MAMSTR: variants seen among roughly 807,000 people sequenced by gnomAD.
The protein encoded by MAMSTR is MEF2-activating motif and SAP domain-containing transcriptional regulator.
In MAMSTR, 41 loss-of-function variants were observed where a neutral mutation model predicts 42.7. The ratio of observed to expected loss-of-function variants is 0.96; its 90% CI spans 0.75 to 1.25. MAMSTR has a LOEUF of 1.25. Ranked by LOEUF, MAMSTR falls within the 50% of genes most tolerant of loss-of-function variation. The probability of loss-of-function intolerance (pLI) is 0.00; values close to 1 mark genes in which losing one functional copy is unlikely to be tolerated. For synonymous variants in MAMSTR, 265 were observed against 244.1 expected, an observed-to-expected ratio of 1.09 and a Z score of -0.80; for missense variants, 567 against 557.6, an observed-to-expected ratio of 1.02 and a Z score of -0.17.
At position 48,719,027 on chromosome 19, in the gene MAMSTR, G is replaced by A. The variant is rs1380422667; in HGVS notation, c.5C>T (p.Thr2Ile). The change falls in exon 2 of 10, where the codon ACC becomes ATC. Residue 2 changes from threonine to isoleucine, a missense_variant. Transcript: ENST00000318083. This position sits in a 1 kb window ranked among gnomAD's most constrained non-coding sequence, Gnocchi z 4.4. ...GGAACGCTGGGAGGAAGCCGCCAGG[G>A]TCATTGCCAAGGCCGGGATGGGGAC... M[T>I]LAASSQRSQI... The A allele has an allele frequency of 6.4e-7, 1 of 1,551,312 alleles. No homozygotes were observed.
Position 48,719,047 on chromosome 19 carries a change from G to A in MAMSTR, c.-16C>T, listed in dbSNP as rs1421769326. On this transcript the variant is annotated 5_prime_UTR_variant, in exon 2 of 10. Coordinates refer to ENST00000318083, the MANE Select transcript of MAMSTR (RefSeq NM_001130915.2). This position sits in a 1 kb window ranked among gnomAD's most constrained non-coding sequence, Gnocchi z 4.4. The stretch of plus-strand genomic sequence containing the variant: ...CCAGGGTCATTGCCAAGGCCGGGAT[G>A]GGGACCTGGACGGAGAGGGGGCAGG... The A allele has an allele frequency of 9.7e-6, 15 of 1,550,622 alleles. No individual in the cohort carries two copies. The highest frequency in any genetic ancestry group is 2.0e-5 in the Admixed American group (1 of 50,956).
downstream of MAMSTR, among the ~76,000 whole-genome samples, chr19:48,708,231 C>CAAA (rs66744711): frequency 0.012 from 1,414 of 117,760 alleles, 14 homozygotes; most frequent in African/African-American, 0.034. Context: ...TGAACTCCAT[C>CAAA]AAAAAAAAAA....
chr19:48,714,268 C>A (rs2032878740), intron 7 of MAMSTR, 98 bp downstream of exon 7: 4 of 1,108,044 alleles, frequency 3.6e-6, no homozygotes, highest in Non-Finnish European at 3.6e-6. Flanking sequence ...ACCGCTGGTC[C>A]TCGCCCCCAC....
At chr19:48,714,984 G>T in intron 5 of MAMSTR, 76 bp from the exon 6 acceptor site, 2 of 946,634 alleles carry the variant, frequency 2.1e-6, no homozygotes, top group South Asian at 1.6e-5. Context: ...CCTCAAAGAC[G>T]GGGAGCTGGG....
downstream of MAMSTR, among the ~76,000 whole-genome samples, chr19:48,711,865 C>T (rs2032733884): frequency 1.3e-5 from 2 of 151,596 alleles, no homozygotes; most frequent in Non-Finnish European, 2.9e-5. Context: ...CCTGCCTCAG[C>T]CTCCCGAGTA....
At position 48,719,587 on chromosome 19, in the gene MAMSTR, C is replaced by A. The variant is rs764535656; in HGVS notation, c.-22+92G>T. 5.8e-5 allele frequency: 9 copies of A among 154,828 alleles called. No homozygotes were observed. Among genetic ancestry groups the A allele is most frequent in the Non-Finnish European group, 1.0e-4 (7 of 69,808 alleles). The allele number at this position is 154,828 out of a possible 1,614,324, so 9.6% of individuals were successfully genotyped here. On this transcript the variant is annotated intron_variant, in intron 1 of 9. Transcript: ENST00000318083. This position sits in a 1 kb window ranked among gnomAD's most constrained non-coding sequence, Gnocchi z 4.4. Reference sequence around the variant, plus strand: ...TGAGAAGGAGTGAGTAGGGTGTCAGCCACCAGGTTCTCTGGGGAAGGGACT... The same window carrying A: ...TGAGAAGGAGTGAGTAGGGTGTCAGACACCAGGTTCTCTGGGGAAGGGACT...
rs1252362301 is a variant in MAMSTR at position 48,719,347 on chromosome 19, C to T, written c.-21-295G>A. Among the ~76,000 whole-genome samples the T allele has an allele frequency of 1.3e-5, 2 of 151,958 alleles. No individual in the cohort carries two copies. Among genetic ancestry groups the T allele is most frequent in the African/African-American group, 4.8e-5 (2 of 41,364 alleles). The stretch of plus-strand genomic sequence containing the variant: ...GGGGAGGGACCTGGAATCTGGGACT[C>T]CTGGGTCCTGAGGAGGAAGGGTTGC... On this transcript the variant is annotated intron_variant, in intron 1 of 9. Transcript: ENST00000318083. This position sits in a 1 kb window ranked among gnomAD's most constrained non-coding sequence, Gnocchi z 4.4.
In MAMSTR at chr19:48,714,437, C is replaced by A; in HGVS notation, c.652G>T (p.Asp218Tyr). 1 of 1,369,272 alleles carries A rather than the reference C, an allele frequency of 7.3e-7. No individual in the cohort carries two copies. Among genetic ancestry groups the A allele is most frequent in the Non-Finnish European group, 9.3e-7 (1 of 1,072,986 alleles). 84.8% of individuals were successfully genotyped at this position (1,369,272 alleles called of 1,614,324 possible). ...GGCCAGGGAGCACCCGCGGGACTGT[C>A]CTCGCGCCGCGGCTTCGGCCGCTCG... is the stretch of plus-strand genomic sequence containing the variant. ...PRERPKPRRE[D>Y]SPAGAPWPRL... Residue 218 changes from aspartate to tyrosine, a missense_variant, in exon 7 of 10, where the codon GAC (aspartate) becomes TAC (tyrosine). Physicochemically the swap from Asp to Tyr is radical, Grantham distance 160. Coordinates refer to ENST00000318083, the MANE Select transcript of MAMSTR (RefSeq NM_001130915.2).
the MAMSTR span, among the ~76,000 whole-genome samples, chr19:48,707,614 A>T: frequency 6.6e-6 from 1 of 150,710 alleles, no homozygotes; most frequent in Non-Finnish European, 1.5e-5. Flanking sequence ...GGTGGTGCAC[A>T]CCTGTAATCC....
At position 48,715,321 on chromosome 19, in the gene MAMSTR, G is replaced by A; in HGVS notation, c.366C>T (p.Ala122=). The change falls in exon 5 of 10, where the codon GCC becomes GCT. Residue 122 remains alanine (A), a synonymous_variant. Coordinates refer to ENST00000318083, the MANE Select transcript of MAMSTR (RefSeq NM_001130915.2). ...SRADPQAEGS[A]LGPPGPSLWE... ...ACAGAGATGGCCCAGGAGGACCCAGGGCGGACCCCTCGGCTTGGGGGTCCG... is the reference window on the plus strand; with the variant it reads ...ACAGAGATGGCCCAGGAGGACCCAGAGCGGACCCCTCGGCTTGGGGGTCCG... 1 of 1,588,902 alleles carries A rather than the reference G, an allele frequency of 6.3e-7. No individual in the cohort carries two copies. The highest frequency in any genetic ancestry group is 8.5e-7 in the Non-Finnish European group (1 of 1,171,056).
rs145040442 is a variant in MAMSTR, at chr19:48,713,926, G to A, written c.843C>T (p.Ser281=). 7.2e-4 allele frequency: 1,158 copies of A among 1,612,594 alleles called. 9 individuals carry two copies. In the Middle Eastern group the frequency reaches 9.1e-3, roughly 13 times the overall value. Residue 281 remains serine, a synonymous_variant, in exon 8 of 10, where the codon TCC becomes TCT. Transcript: ENST00000318083. ...APAAAPALTP[S]SGPGSAALTL... is the part of the protein sequence containing the mutation. ...TCAGAGCCGCTGAGCCCGGCCCTGA[G>A]GAAGGGGTCAGGGCTGGAGCTGCAG... is the stretch of plus-strand genomic sequence containing the variant.
At chr19:48,707,126 G>A in the MAMSTR span, among the ~76,000 whole-genome samples, 9,100 of 149,124 alleles carry the variant, frequency 0.061, 922 homozygotes, top group African/African-American at 0.21. Flanking sequence ...TTTAAAAATC[G>A]AAAAGATACA....
At chr19:48,706,643 A>G in the MAMSTR span, among the ~76,000 whole-genome samples, 3,975 of 152,258 alleles carry the variant, frequency 0.026, 72 homozygotes, top group Non-Finnish European at 0.04. Flanking sequence ...GTCAAAAAAA[A>G]GAACAAGGCA....
downstream of MAMSTR, among the ~76,000 whole-genome samples, chr19:48,711,739 G>T (rs371954882): frequency 5.0e-4 from 38 of 76,250 alleles, no homozygotes; most frequent in East Asian, 2.5e-3. Flanking sequence ...TACCTGGCTA[G>T]TTTTTTTTTT....
intron 6 of MAMSTR, 100 bp from the exon 7 acceptor site, chr19:48,714,660 G>C (rs1375612623): frequency 1.5e-6 from 2 of 1,294,734 alleles, no homozygotes; most frequent in Non-Finnish European, 2.2e-6. Flanking sequence ...AGGAGGCACT[G>C]GGGGTCCGGA....
downstream of MAMSTR, among the ~76,000 whole-genome samples, chr19:48,711,100 C>T (rs1262343757): frequency 6.6e-6 from 1 of 152,150 alleles, no homozygotes; most frequent in East Asian, 1.9e-4. Context: ...TTGTATAGTG[C>T]CCTCCCGTAT....
Position 48,716,704 on chromosome 19 carries a change from CT to C in MAMSTR, c.97del (p.Ile33SerfsTer66). 7.5e-7 allele frequency: 1 copy of C among 1,336,014 alleles called. No homozygotes were observed. Among genetic ancestry groups the C allele is most frequent in the Non-Finnish European group, 9.7e-7 (1 of 1,034,842 alleles). The allele number at this position is 1,336,014 out of a possible 1,614,324, so 82.8% of individuals were successfully genotyped here. Reference protein sequence around the residue: ...LRIHRRNQEQISDPDPWISAS... With the variant: ...LRIHRRNQEQXSDPDPWISAS... Reference sequence around the variant, plus strand: ...CCCTCCCTTTTGGGGCCCATACTTACTCTGCTCCTGATTCCGTCTGTGGATC... The same window carrying C: ...CCCTCCCTTTTGGGGCCCATACTTACCTGCTCCTGATTCCGTCTGTGGATC... On this transcript the variant is annotated frameshift_variant and splice_region_variant, in exon 3 of 10. Coordinates refer to ENST00000318083, the MANE Select transcript of MAMSTR (RefSeq NM_001130915.2). LOFTEE classifies it high-confidence loss of function.
At chr19:48,710,366 C>G (rs562194597), downstream of MAMSTR, among the ~76,000 whole-genome samples, 1 of 150,094 alleles carries the variant, frequency 6.7e-6, no homozygotes, top group East Asian at 2.0e-4. Context: ...CCACCCGCCT[C>G]GGCCTCCCAA....
rs769169827 is a variant in MAMSTR, at chr19:48,714,848, T to G, written c.486A>C (p.Pro162=). Residue 162 remains proline, a synonymous_variant, in exon 6 of 10, where the codon CCA becomes CCC. Coordinates refer to ENST00000318083, the MANE Select transcript of MAMSTR (RefSeq NM_001130915.2). ...TAAGGGTCTGAAGTTCCAACTTGTG[T>G]GGGGGGGGCGAGGGGCTAGGGACTC... is the stretch of plus-strand genomic sequence containing the variant. ...PPGVPSPSPP[P]HKLELQTLKL... 1.8e-5 allele frequency: 28 copies of G among 1,598,748 alleles called. No individual in the cohort carries two copies. In the African/African-American group the frequency reaches 2.2e-4, roughly 13 times the overall value.
Sources: allele counts gnomAD v4.1 joint callset (sites outside exome capture counted in the v4.1 genomes callset), GRCh38; gene constraint gnomAD v4.1.1; non-coding constraint Gnocchi (gnomAD v3.1); transcripts MANE v1.5; gene names NCBI Gene and HGNC (gene_info 2026-07-23, HGNC 2026-07-21).